The following DYNC2I1 variants were observed in gnomAD, a reference collection of about 807,000 sequenced individuals.
DYNC2I1 encodes the protein cytoplasmic dynein 2 intermediate chain 1.
A neutral mutation model predicts 133.4 loss-of-function variants in DYNC2I1; 89 were observed. The ratio of observed to expected loss-of-function variants is 0.67; its 90% CI spans 0.56 to 0.80. The LOEUF (loss-of-function observed/expected upper bound fraction) is 0.80. Ranked by LOEUF, DYNC2I1 falls within the 30% of genes least tolerant of loss-of-function variation. The pLI is 0.00. For missense variants in DYNC2I1, 1,291 were observed against 1,314.5 expected (o/e 0.98, Z 0.28); for synonymous variants, 504 against 484.3 (o/e 1.04, Z -0.54).
chr7:158,938,591 A>G (rs1851011863), intron 23 of DYNC2I1, among the ~76,000 whole-genome samples: 2 of 152,168 alleles, frequency 1.3e-5, no homozygotes, highest in Admixed American at 1.3e-4. Context: ...ATATGTCTCT[A>G]CTAAAAATAT....
chr7:158,954,484 C>T (rs1439781934), intron 4 of DYNC2I1, among the ~76,000 whole-genome samples: 1 of 152,136 alleles, frequency 6.6e-6, no homozygotes, highest in East Asian at 1.9e-4. Context: ...CCCATCTCTC[C>T]TAAAAATATA....
intron 1 of DYNC2I1, among the ~76,000 whole-genome samples, chr7:158,858,621 C>T (rs1194873129): frequency 4.6e-5 from 7 of 152,174 alleles, no homozygotes; most frequent in Admixed American, 3.9e-4. Flanking sequence ...ATGAAATTCT[C>T]TTAAATTCTT....
chr7:158,848,922 C>CAA, the DYNC2I1 span, among the ~76,000 whole-genome samples: 3,832 of 140,340 alleles, frequency 0.027, 66 homozygotes, highest in Middle Eastern at 0.055. Context: ...GACTCCGTTT[C>CAA]AAAAAAAAAA....
Position 158,891,341 on chromosome 7 carries a change from G to C in DYNC2I1, c.1059+8G>C. 2 of 1,614,052 alleles carry C rather than the reference G, an allele frequency of 1.2e-6. No individual in the cohort carries two copies. The highest frequency in any genetic ancestry group is 2.2e-5 in the South Asian group (2 of 91,086). On this transcript the variant is annotated splice_region_variant and intron_variant, in intron 8 of 24. Coordinates refer to ENST00000407559, the MANE Select transcript of DYNC2I1 (RefSeq NM_018051.5). Reference sequence around the variant, plus strand: ...GGAGGCGAGGAAACCGTGGTAAGGAGAGTACGTCTTCTTATAGTTTGCAAT... The same window carrying C: ...GGAGGCGAGGAAACCGTGGTAAGGACAGTACGTCTTCTTATAGTTTGCAAT...
rs1330938233 is a variant in DYNC2I1, at chr7:158,871,338, A to G, written c.266A>G (p.Gln89Arg). 1.3e-6 allele frequency: 2 copies of G among 1,555,944 alleles called. No homozygotes were observed. Among genetic ancestry groups the G allele is most frequent in the Non-Finnish European group, 1.7e-6 (2 of 1,149,148 alleles). Residue 89 changes from glutamine to arginine, a missense_variant, in exon 3 of 25, where the codon CAG (glutamine) becomes CGG (arginine). Coordinates refer to ENST00000407559, the MANE Select transcript of DYNC2I1 (RefSeq NM_018051.5). ...SPRGERDRDR[Q>R]RERRRDAKDR... is the part of the protein sequence containing the mutation. ...CGTGGGGAGAGGGACAGAGACAGAC[A>G]GAGGGAGAGGAGAAGAGACGCAAAA...
chr7:158,848,144 C>T, the DYNC2I1 span, among the ~76,000 whole-genome samples: 1 of 152,148 alleles, frequency 6.6e-6, no homozygotes. Flanking sequence ...GAGGTTATTC[C>T]CAAGAGAATG....
intron 23 of DYNC2I1, among the ~76,000 whole-genome samples, chr7:158,940,674 A>G (rs1264599197): frequency 6.6e-6 from 1 of 152,252 alleles, no homozygotes; most frequent in Admixed American, 6.5e-5. Flanking sequence ...GATCAATAAC[A>G]GGAGGAACCT....
At chr7:158,866,757 C>T (rs934368771) in intron 1 of DYNC2I1, among the ~76,000 whole-genome samples, 2 of 151,996 alleles carry the variant, frequency 1.3e-5, no homozygotes, top group East Asian at 1.9e-4. Context: ...TGGTGGCGGG[C>T]GCCTGTAATC....
At chr7:158,874,150 A>G (rs1437848974) in intron 3 of DYNC2I1, among the ~76,000 whole-genome samples, 3 of 151,922 alleles carry the variant, frequency 2.0e-5, no homozygotes, top group Admixed American at 2.0e-4. Flanking sequence ...CAGTCCATTT[A>G]TCTTGACCTC....
intron 3 of DYNC2I1, among the ~76,000 whole-genome samples, chr7:158,874,494 T>C (rs773609093): frequency 6.6e-6 from 1 of 152,252 alleles, no homozygotes; most frequent in African/African-American, 2.4e-5. Context: ...TCACCCTTTT[T>C]TGGCTGCCTG....
intron 14 of DYNC2I1, among the ~76,000 whole-genome samples, chr7:158,914,726 G>A (rs1038511192): frequency 6.6e-6 from 1 of 152,128 alleles, no homozygotes; most frequent in Non-Finnish European, 1.5e-5. Flanking sequence ...AAGAGACATG[G>A]AACAGTCCTG....
chr7:158,912,177 T>G (rs1403791203), intron 12 of DYNC2I1, among the ~76,000 whole-genome samples: 1 of 152,214 alleles, frequency 6.6e-6, no homozygotes, highest in East Asian at 1.9e-4. Context: ...AATGAATTCT[T>G]TCTCCTATTC....
intron 11 of DYNC2I1, 136 bp from the exon 12 acceptor site, chr7:158,911,414 T>C (rs1279440635): frequency 1.1e-6 from 1 of 941,028 alleles, no homozygotes; most frequent in Non-Finnish European, 1.5e-6. Flanking sequence ...GTTAAATATC[T>C]CAGACTCACC....
At chr7:158,841,579 T>C in the DYNC2I1 span, among the ~76,000 whole-genome samples, 1 of 152,208 alleles carries the variant, frequency 6.6e-6, no homozygotes, top group African/African-American at 2.4e-5. Context: ...TCAAATGAAC[T>C]CTGTATGTCA....
intron 11 of DYNC2I1, among the ~76,000 whole-genome samples, chr7:158,910,182 G>C (rs1055630222): frequency 6.6e-6 from 1 of 152,264 alleles, no homozygotes; most frequent in African/African-American, 2.4e-5. Flanking sequence ...GTGAAACTTA[G>C]GAAAGGAAAA....
intron 5 of DYNC2I1, among the ~76,000 whole-genome samples, chr7:158,883,912 C>G (rs555421039): frequency 1.3e-5 from 2 of 151,882 alleles, no homozygotes; most frequent in Admixed American, 6.6e-5. Context: ...GATCCGCCCG[C>G]CTCGGCCTCC....
intron 1 of DYNC2I1, among the ~76,000 whole-genome samples, chr7:158,861,975 A>G (rs1337630183): frequency 1.3e-5 from 2 of 152,228 alleles, no homozygotes; most frequent in African/African-American, 4.8e-5. Context: ...TTCTAGTGTA[A>G]GGAATTTTGG....
At chr7:158,909,875 A>T (rs895441456) in intron 11 of DYNC2I1, among the ~76,000 whole-genome samples, 4 of 152,180 alleles carry the variant, frequency 2.6e-5, no homozygotes, top group Non-Finnish European at 5.9e-5. Context: ...CTGATAAAAC[A>T]TCCTAGGTTT....
chr7:158,896,422 A>C (rs1002444219), intron 8 of DYNC2I1, among the ~76,000 whole-genome samples: 2 of 152,184 alleles, frequency 1.3e-5, no homozygotes, highest in Admixed American at 6.5e-5. Context: ...CCAGGCTTGC[A>C]TACCTGGGAT....
Sources: allele counts gnomAD v4.1 joint callset (sites outside exome capture counted in the v4.1 genomes callset), GRCh38; gene constraint gnomAD v4.1.1; transcripts MANE v1.5; gene names NCBI Gene and HGNC (gene_info 2026-07-23, HGNC 2026-07-21).